Variants in PRSS55 observed in about 807,000 individuals in gnomAD.
PRSS55 encodes the protein serine protease 55.
Under a neutral mutation model 23.6 loss-of-function variants are expected in PRSS55, and 41 were observed. That is an observed-to-expected ratio of 1.74 (90% CI 1.35 to 2.26). PRSS55 has a LOEUF of 2.26. PRSS55 is among the 30% of genes most tolerant of loss of function. The pLI is 0.00. For synonymous variants in PRSS55, 262 were observed against 175.5 expected, an observed-to-expected ratio of 1.49 and a Z score of -3.90; for missense variants, 669 against 439.1, an observed-to-expected ratio of 1.52 and a Z score of -4.68.
intron 4 of PRSS55, among the ~76,000 whole-genome samples, chr8:10,534,507 A>G (rs1384552674): frequency 6.6e-6 from 1 of 152,208 alleles, no homozygotes; most frequent in African/African-American, 2.4e-5. Context: ...AGAGAGTAAT[A>G]TAACAAAGGT....
At chr8:10,546,905 T>G (rs564443876) in intron 4 of PRSS55, among the ~76,000 whole-genome samples, 9 of 152,056 alleles carry the variant, frequency 5.9e-5, no homozygotes, top group Non-Finnish European at 1.3e-4. Context: ...GGCCTTGTAC[T>G]CCTGGGCTCA....
chr8:10,545,080 TG>T, intron 4 of PRSS55: 1 of 902,518 alleles, frequency 1.1e-6, no homozygotes, highest in Non-Finnish European at 1.3e-6. Flanking sequence ...CCAGGGCTTT[TG>T]GTTTTTGGTT....
chr8:10,538,657 C>A lies in PRSS55; in HGVS notation c.923C>A (p.Ala308Glu), dbSNP rs1812544235. The change falls in exon 5 of 5, where the codon GCA becomes GAA. Residue 308 changes from alanine (A) to glutamate (E), a missense_variant. By Grantham distance (107) the Ala-to-Glu change is moderately radical (BLOSUM62 -1). Transcript: ENST00000328655. ...CAGCTAGAGGGCAGGCCCTTCAATG[C>A]AGAGAAAAGGAGGACTTCTGTCAAA... is the stretch of plus-strand genomic sequence containing the variant. ...VTQLEGRPFN[A>E]EKRRTSVKQK... The A allele has an allele frequency of 6.2e-7, 1 of 1,614,140 alleles. No individual in the cohort carries two copies. Among genetic ancestry groups the A allele is most frequent in the Non-Finnish European group, 8.5e-7 (1 of 1,180,024 alleles).
At chr8:10,546,636 A>G (rs940139996) in intron 4 of PRSS55, among the ~76,000 whole-genome samples, 1 of 151,984 alleles carries the variant, frequency 6.6e-6, no homozygotes, top group Non-Finnish European at 1.5e-5. Context: ...CACATGGAGA[A>G]CTCACCACCT....
chr8:10,531,597 A>G, intron 3 of PRSS55, 52 bp downstream of exon 3: 4 of 1,599,536 alleles, frequency 2.5e-6, no homozygotes, highest in Non-Finnish European at 3.4e-6. Context: ...AATGTGAAGG[A>G]GAGGGGAGGA....
At chr8:10,534,268 C>G (rs925871680) in intron 4 of PRSS55, among the ~76,000 whole-genome samples, 2 of 152,154 alleles carry the variant, frequency 1.3e-5, no homozygotes, top group African/African-American at 4.8e-5. Flanking sequence ...CAAAAAGGCT[C>G]TGAAAGGTGA....
chr8:10,529,441 C>T, intron 1 of PRSS55, 66 bp from the exon 2 acceptor site: 1 of 1,533,692 alleles, frequency 6.5e-7, no homozygotes. Flanking sequence ...AGCCCGGTCC[C>T]CAGCTCACAC....
chr8:10,543,147 G>C (rs1812707820), downstream of PRSS55, among the ~76,000 whole-genome samples: 1 of 152,058 alleles, frequency 6.6e-6, no homozygotes, highest in African/African-American at 2.4e-5. Context: ...ATGTCTTTCA[G>C]GATGGCCCTA....
intron 4 of PRSS55, among the ~76,000 whole-genome samples, chr8:10,544,371 ATC>A (rs1179509263): frequency 5.9e-5 from 9 of 151,498 alleles, no homozygotes; most frequent in Non-Finnish European, 8.8e-5. Context: ...TGCATAGTTT[ATC>A]TGTTTCTTTT....
At chr8:10,548,631 C>A (rs549182959) in intron 4 of PRSS55, among the ~76,000 whole-genome samples, 1 of 152,258 alleles carries the variant, frequency 6.6e-6, no homozygotes, top group South Asian at 2.1e-4. Context: ...GCCATTCCCC[C>A]TGCCTGCAAG....
At chr8:10,527,479 T>G (rs761501766) in intron 1 of PRSS55, among the ~76,000 whole-genome samples, 6 of 152,060 alleles carry the variant, frequency 3.9e-5, no homozygotes, top group Non-Finnish European at 8.8e-5. Flanking sequence ...GAGGATGCAA[T>G]GAAGAAATAT....
At chr8:10,529,387 C>T in intron 1 of PRSS55, 120 bp from the exon 2 acceptor site, 1 of 1,022,686 alleles carries the variant, frequency 9.8e-7, no homozygotes, top group Non-Finnish European at 1.5e-6. Context: ...GAGCTCCTCT[C>T]TAGAATGGGG....
intron 4 of PRSS55, among the ~76,000 whole-genome samples, chr8:10,552,094 A>C (rs1229224309): frequency 6.6e-6 from 1 of 152,220 alleles, no homozygotes; most frequent in African/African-American, 2.4e-5. Context: ...GCAAAGGGAA[A>C]TGTCTTCATG....
chr8:10,552,483 A>G (rs1812972302), intron 4 of PRSS55, among the ~76,000 whole-genome samples: 1 of 152,258 alleles, frequency 6.6e-6, no homozygotes, highest in Admixed American at 6.5e-5. Context: ...CAGAGTAAAG[A>G]GACAACCTTT....
chr8:10,535,960 G>A (rs911094098), intron 4 of PRSS55, among the ~76,000 whole-genome samples: 1 of 152,212 alleles, frequency 6.6e-6, no homozygotes, highest in African/African-American at 2.4e-5. Context: ...GCCAAGACCG[G>A]CGGATCACGA....
chr8:10,526,861 G>T (rs183009381), intron 1 of PRSS55, among the ~76,000 whole-genome samples: 4 of 152,306 alleles, frequency 2.6e-5, no homozygotes, highest in South Asian at 4.1e-4. Context: ...ATGAAGAAAG[G>T]GGGGTGGGTA....
intron 4 of PRSS55, among the ~76,000 whole-genome samples, chr8:10,534,362 A>G (rs1445471523): frequency 1.3e-5 from 2 of 152,318 alleles, no homozygotes; most frequent in South Asian, 2.1e-4. Flanking sequence ...ACCAGAAAAC[A>G]TTAACTGTCC....
At chr8:10,554,130 C>A in exon 5 of PRSS55, 2 of 681,020 alleles carry the variant, frequency 2.9e-6, no homozygotes, top group Non-Finnish European at 4.6e-6. Flanking sequence ...GTTTTCTGTC[C>A]AAATGACTGA....
chr8:10,554,127 G>A (rs1443263526), exon 5 of PRSS55: 2 of 721,000 alleles, frequency 2.8e-6, no homozygotes, highest in South Asian at 2.6e-5. Context: ...GGTGTTTTCT[G>A]TCCAAATGAC....
Sources: gnomAD v4.1 joint callset for allele counts (sites outside exome capture counted in the v4.1 genomes callset) on GRCh38, gnomAD v4.1.1 for gene constraint, MANE v1.5 for transcripts, NCBI Gene and HGNC (gene_info 2026-07-23, HGNC 2026-07-21) for gene names.